Variants in HNMT observed in about 807,000 individuals in gnomAD.
The protein encoded by HNMT is histamine N-methyltransferase.
A neutral mutation model predicts 32.1 loss-of-function variants in HNMT; 30 were observed. That is an observed-to-expected ratio of 0.93 (90% CI 0.70 to 1.27). The LOEUF is 1.27. Ranked by LOEUF, HNMT falls within the 50% of genes most tolerant of loss-of-function variation. The pLI is 0.00. For missense variants in HNMT, 327 were observed against 346.0 expected (o/e 0.95, Z 0.43); for synonymous variants, 125 against 119.0 (o/e 1.05, Z -0.33).
intron 2 of HNMT, among the ~76,000 whole-genome samples, chr2:137,974,831 A>C (rs963271852): frequency 6.6e-6 from 1 of 152,218 alleles, no homozygotes; most frequent in African/African-American, 2.4e-5. Flanking sequence ...TCATATATGA[A>C]ATACAGGTGT....
At chr2:137,994,200 G>A (rs1427364376) in intron 2 of HNMT, among the ~76,000 whole-genome samples, 1 of 152,290 alleles carries the variant, frequency 6.6e-6, no homozygotes, top group African/African-American at 2.4e-5. Flanking sequence ...TGAGCTAAAT[G>A]TCCCAATTAA....
intron 2 of HNMT, among the ~76,000 whole-genome samples, chr2:137,996,113 G>A (rs570606148): frequency 6.6e-6 from 1 of 152,258 alleles, no homozygotes; most frequent in African/African-American, 2.4e-5. Context: ...ACCAGTACAA[G>A]ACAAGGATGT....
At chr2:137,993,788 C>T (rs1680899232) in intron 2 of HNMT, among the ~76,000 whole-genome samples, 1 of 151,998 alleles carries the variant, frequency 6.6e-6, no homozygotes, top group African/African-American at 2.4e-5. Flanking sequence ...GCCAGGTCAC[C>T]TACAAAGGGA....
intron 2 of HNMT, among the ~76,000 whole-genome samples, chr2:137,978,729 A>T (rs1383502598): frequency 7.3e-6 from 1 of 136,600 alleles, no homozygotes; most frequent in African/African-American, 2.7e-5. Flanking sequence ...AATACATATG[A>T]TTATATAATA....
At chr2:137,996,488 AG>A (rs1170534910) in intron 2 of HNMT, among the ~76,000 whole-genome samples, 1 of 152,182 alleles carries the variant, frequency 6.6e-6, no homozygotes, top group Non-Finnish European at 1.5e-5. Flanking sequence ...CTCTTCAAGG[AG>A]ATCTACAAAG....
At chr2:138,001,105 A>ATATAGT (rs1197921173) in intron 3 of HNMT, 80 bp downstream of exon 3, 2 of 676,808 alleles carry the variant, frequency 3.0e-6, no homozygotes, top group African/African-American at 3.7e-5. Context: ...ATGATTAAAA[A>ATATAGT]TATAGTTACT....
In HNMT at chr2:138,008,166, A is replaced by G. The variant is rs1476548077; in HGVS notation, c.523+2941A>G. 5.3e-5 allele frequency among the ~76,000 whole-genome samples: 8 copies of G among 151,910 alleles called. No individual in the cohort carries two copies. The South Asian group carries it at 1.0e-3, about 20-fold the overall frequency. On this transcript the variant is annotated intron_variant, in intron 5 of 5. Transcript: ENST00000280097. ...ACCCTCCATCCTCAAGTAGACCTCA[A>G]TGTCTGCTGTTTCCTTCTTTGTGTT...
chr2:138,002,817 T>C, intron 4 of HNMT: 1 of 958,962 alleles, frequency 1.0e-6, no homozygotes, highest in Non-Finnish European at 1.2e-6. Context: ...ACATATTCTC[T>C]AGTGGCTCTA....
chr2:138,001,997 TA>T, intron 3 of HNMT, 66 bp from the exon 4 acceptor site: 1 of 1,273,452 alleles, frequency 7.9e-7, no homozygotes, highest in Non-Finnish European at 1.1e-6. Context: ...ATTAAAATTC[TA>T]AATGGAAATG....
At chr2:137,998,760 T>A (rs1374621410) in intron 2 of HNMT, among the ~76,000 whole-genome samples, 1 of 152,196 alleles carries the variant, frequency 6.6e-6, no homozygotes, top group African/African-American at 2.4e-5. Flanking sequence ...AGGTCCATCT[T>A]TGGAGGAGAG....
chr2:137,980,853 TAG>T lies in HNMT; in HGVS notation c.190+10644_190+10645del, dbSNP rs769263306. Among the ~76,000 whole-genome samples the T allele has an allele frequency of 2.0e-5, 3 of 152,158 alleles. No homozygotes were observed. In the East Asian group the frequency reaches 5.8e-4, roughly 29 times the overall value. On this transcript the variant is annotated intron_variant, in intron 2 of 5. Coordinates refer to ENST00000280097, the MANE Select transcript of HNMT (RefSeq NM_006895.3). ...AGGTACCCAGGGTGTTGGAGGGAGA[TAG>T]AGAGAGAAAAAGAGAAGTAAAGAAA...
intron 2 of HNMT, among the ~76,000 whole-genome samples, chr2:137,989,495 A>G (rs897577676): frequency 2.0e-5 from 3 of 152,200 alleles, no homozygotes; most frequent in African/African-American, 7.2e-5. Flanking sequence ...ATCAGTTTAT[A>G]TGCTGAAGGA....
At chr2:138,010,984 A>G (rs562407971) in intron 5 of HNMT, among the ~76,000 whole-genome samples, 2 of 152,160 alleles carry the variant, frequency 1.3e-5, no homozygotes, top group East Asian at 3.9e-4. Context: ...GGAAGGAGGA[A>G]AATCATTGTG....
intron 5 of HNMT, among the ~76,000 whole-genome samples, chr2:138,011,482 A>G (rs1681502450): frequency 6.6e-6 from 1 of 152,092 alleles, no homozygotes; most frequent in Non-Finnish European, 1.5e-5. Context: ...CAATTATCCT[A>G]GGCTATTTAT....
intron 2 of HNMT, among the ~76,000 whole-genome samples, chr2:137,998,250 T>C (rs1321777658): frequency 6.6e-6 from 1 of 152,188 alleles, no homozygotes; most frequent in Non-Finnish European, 1.5e-5. Flanking sequence ...GGTAAAATAA[T>C]TAAAATTATT....
intron 5 of HNMT, among the ~76,000 whole-genome samples, chr2:138,010,529 A>C (rs1455159): frequency 0.21 from 32,150 of 151,338 alleles, 3,713 homozygotes; most frequent in South Asian, 0.3. Context: ...CAAACAACTA[A>C]AACTATTTGT....
chr2:138,003,144 T>G (rs1681232621), intron 4 of HNMT, among the ~76,000 whole-genome samples: 2 of 146,218 alleles, frequency 1.4e-5, no homozygotes, highest in Non-Finnish European at 1.5e-5. Flanking sequence ...AGATGACGAG[T>G]TAGTGGGTGC....
chr2:138,000,858 A>G, intron 2 of HNMT, 60 bp from the exon 3 acceptor site: 1 of 892,304 alleles, frequency 1.1e-6, no homozygotes. Context: ...ATCAGCTAAA[A>G]TTGTTTTTAA....
At chr2:137,979,395 C>T (rs952342345) in intron 2 of HNMT, among the ~76,000 whole-genome samples, 14 of 151,898 alleles carry the variant, frequency 9.2e-5, no homozygotes, top group South Asian at 2.1e-4. Flanking sequence ...CTCAGCCTCC[C>T]GCGTAGCTGG....
Sources: gnomAD v4.1 joint callset for allele counts (sites outside exome capture counted in the v4.1 genomes callset) on GRCh38, gnomAD v4.1.1 for gene constraint, MANE v1.5 for transcripts, NCBI Gene and HGNC (gene_info 2026-07-23, HGNC 2026-07-21) for gene names.